Variants in DGKD observed in about 807,000 individuals in gnomAD.
The protein encoded by DGKD is DAG kinase delta.
A neutral mutation model predicts 154.4 loss-of-function variants in DGKD; 68 were observed. That is an observed-to-expected ratio of 0.44 (90% CI 0.36 to 0.54). The LOEUF is 0.54. Ranked by LOEUF, DGKD falls within the 20% of genes least tolerant of loss-of-function variation. DGKD has a pLI of 0.00. For missense variants in DGKD, 1,343 were observed against 1,593.6 expected, an observed-to-expected ratio of 0.84 and a Z score of 2.68; for synonymous variants, 693 against 638.0, an observed-to-expected ratio of 1.09 and a Z score of -1.30.
At chr2:233,393,864 T>G (rs1703812820) in intron 3 of DGKD, among the ~76,000 whole-genome samples, 1 of 151,890 alleles carries the variant, frequency 6.6e-6, no homozygotes, top group Admixed American at 6.6e-5. Flanking sequence ...TTATTTTTAG[T>G]GGAGACAGGG....
chr2:233,379,580 A>G (rs1702777988), intron 1 of DGKD, among the ~76,000 whole-genome samples: 1 of 152,130 alleles, frequency 6.6e-6, no homozygotes, highest in African/African-American at 2.4e-5. Flanking sequence ...GGGTGGGGCC[A>G]GTGGTCACTG....
At chr2:233,447,624 A>AGCAGGGATCCC in intron 12 of DGKD, 3 of 994,256 alleles carry the variant, frequency 3.0e-6, no homozygotes, top group Non-Finnish European at 3.6e-6. Flanking sequence ...TCCTAAGGAC[A>AGCAGGGATCCC]GCAGGGATCC....
At chr2:233,383,333 G>A (rs1458021089) in intron 1 of DGKD, among the ~76,000 whole-genome samples, 6 of 152,132 alleles carry the variant, frequency 3.9e-5, no homozygotes, top group South Asian at 2.1e-4. Flanking sequence ...GAGCCACCGC[G>A]CCCAGCCCGT....
intron 1 of DGKD, among the ~76,000 whole-genome samples, chr2:233,355,108 C>G (rs983370529): frequency 3.3e-5 from 5 of 152,068 alleles, no homozygotes; most frequent in Admixed American, 1.3e-4. Flanking sequence ...CAGGAGCGGT[C>G]GGGTGGTGTC....
intron 1 of DGKD, among the ~76,000 whole-genome samples, chr2:233,363,194 C>T (rs911437979): frequency 6.6e-6 from 1 of 152,134 alleles, no homozygotes; most frequent in Admixed American, 6.5e-5. Flanking sequence ...CAGCTCCATG[C>T]ACGTCATTGT....
Position 233,459,748 on chromosome 2 carries a change from T to C in DGKD, c.2695-9T>C. On this transcript the variant is annotated splice_polypyrimidine_tract_variant and intron_variant, in intron 22 of 29. Transcript: ENST00000264057. The surrounding 1 kb of genome is among the most constrained non-coding windows in gnomAD (Gnocchi z 5.7). ...CTCAGCATGAGTAATGGCTATGATG[T>C]CTGCTCAGTGTCGCACGGTGAAGAT... 1 of 1,612,930 alleles carries C rather than the reference T, an allele frequency of 6.2e-7. No individual in the cohort carries two copies. The highest frequency in any genetic ancestry group is 8.5e-7 in the Non-Finnish European group (1 of 1,179,508).
In DGKD at chr2:233,452,018, T is replaced by G; in HGVS notation, c.2222T>G (p.Leu741Arg). The change falls in exon 18 of 30, where the codon CTG (leucine) becomes CGG (arginine). Residue 741 changes from leucine to arginine, a missense_variant. Leu to Arg is a moderately radical substitution (Grantham distance 102, BLOSUM62 -2). Around this residue, in one of 6 missense-constraint regions of DGKD, gnomAD observed 409 missense variants for 446.0 expected, o/e 0.92. Coordinates refer to ENST00000264057, the MANE Select transcript of DGKD (RefSeq NM_152879.3). This position sits in a 1 kb window ranked among gnomAD's most constrained non-coding sequence, Gnocchi z 4.0. ...SLPGGSVISR[L>R]LINADPFNSE... is the part of the protein sequence containing the mutation. ...CCCGGTGGCTCAGTCATCAGTCGCC[T>G]GTTAATTAATGCTGATCCCTTCAAC... The G allele has an allele frequency of 6.2e-7, 1 of 1,614,136 alleles. No homozygotes were observed. Among genetic ancestry groups the G allele is most frequent in the African/African-American group, 1.3e-5 (1 of 75,042 alleles).
In DGKD at chr2:233,453,346, T is replaced by C. The variant is rs111377189; in HGVS notation, c.2264+1286T>C. Among the ~76,000 whole-genome samples the C allele has an allele frequency of 6.7e-3, 1,021 of 152,296 alleles. 15 individuals carry two copies. The highest frequency in any genetic ancestry group is 0.024 in the African/African-American group (977 of 41,570). On this transcript the variant is annotated intron_variant, in intron 18 of 29. Coordinates refer to ENST00000264057, the MANE Select transcript of DGKD (RefSeq NM_152879.3). ...CTGCTCCAGGCCCCTGAGCCCAGTC[T>C]CTGCTGCCTTCCCTCATCTCTTTGT...
chr2:233,469,975 ATCGTGCTCT>A lies in DGKD; in HGVS notation c.*517_*525del, dbSNP rs2063958480. On this transcript the variant is annotated 3_prime_UTR_variant, in exon 30 of 30. Transcript: ENST00000264057. ...TTGATGCAGCTTTTGTTGAACAAAA[ATCGTGCTCT>A]TTCCTGGTTTGAAAGTAGCATGGAT... is the stretch of plus-strand genomic sequence containing the variant. 1.3e-5 allele frequency: 2 copies of A among 152,928 alleles called. No individual in the cohort carries two copies. Among genetic ancestry groups the A allele is most frequent in the African/African-American group, 4.8e-5 (2 of 41,484 alleles). The allele number at this position is 152,928 out of a possible 1,614,324, so 9.5% of individuals were successfully genotyped here.
In DGKD at chr2:233,457,629, G is replaced by A. The variant is rs2063502542; in HGVS notation, c.2580+301G>A. On this transcript the variant is annotated intron_variant, in intron 21 of 29. Transcript: ENST00000264057. The surrounding 1 kb of genome is among the most constrained non-coding windows in gnomAD (Gnocchi z 5.5). ...TGGGAGGCCAAGACCTGAAGGATGA[G>A]TTGGAGTTGGCTAAGTTAGGTGGGC... is the stretch of plus-strand genomic sequence containing the variant. 1.9e-6 allele frequency: 1 copy of A among 527,014 alleles called. No individual in the cohort carries two copies. Among genetic ancestry groups the A allele is most frequent in the African/African-American group, 1.9e-5 (1 of 52,748 alleles). The allele number at this position is 527,014 out of a possible 1,614,324, so 32.6% of individuals were successfully genotyped here. A position where few individuals can be genotyped will look rare whatever the true frequency, so the allele number is the denominator to read the frequency against.
intron 27 of DGKD, 56 bp downstream of exon 27, chr2:233,464,339 A>C (rs2242098): frequency 0.32 from 505,212 of 1,598,190 alleles, 86,060 homozygotes; most frequent in African/African-American, 0.67. Flanking sequence ...CTCTCGCCTG[A>C]AGTGCCTGTG....
chr2:233,390,534 C>T (rs768757164), intron 3 of DGKD, 51 bp downstream of exon 3: 27 of 1,378,192 alleles, frequency 2.0e-5, no homozygotes, highest in Non-Finnish European at 2.8e-5. Flanking sequence ...AGTTGGCTTT[C>T]CTTTTTGATC....
rs1369708769 is a variant in DGKD, at chr2:233,440,890, G to A, written c.1086-997G>A. On this transcript the variant is annotated intron_variant, in intron 9 of 29. Coordinates refer to ENST00000264057, the MANE Select transcript of DGKD (RefSeq NM_152879.3). The surrounding 1 kb of genome is among the most constrained non-coding windows in gnomAD (Gnocchi z 4.9). ...AGCACGGTGGTGACCTGAGCGGGTG[G>A]CTGGGTTGGGTGTGGAGGAGAGGCT... Among the ~76,000 whole-genome samples the A allele has an allele frequency of 1.3e-5, 2 of 152,170 alleles. No homozygotes were observed. The highest frequency in any genetic ancestry group is 1.5e-5 in the Non-Finnish European group (1 of 68,030).
chr2:233,438,808 ATCTATCTG>A lies in DGKD; in HGVS notation c.1085+431_1085+438del, dbSNP rs1268602077. On this transcript the variant is annotated intron_variant, in intron 9 of 29. Coordinates refer to ENST00000264057, the MANE Select transcript of DGKD (RefSeq NM_152879.3). This position sits in a 1 kb window ranked among gnomAD's most constrained non-coding sequence, Gnocchi z 4.1. ...TATCTATCTATCTATCTATCTATCTATCTATCTGTGGGTGTATTTTCCTGGCGTGCCTC... is the reference window on the plus strand; with the variant it reads ...TATCTATCTATCTATCTATCTATCTATGGGTGTATTTTCCTGGCGTGCCTC... Among the ~76,000 whole-genome samples, 1 of 130,530 alleles carries A rather than the reference ATCTATCTG, an allele frequency of 7.7e-6. No individual in the cohort carries two copies. Among genetic ancestry groups the A allele is most frequent in the Non-Finnish European group, 1.7e-5 (1 of 60,496 alleles). 85.6% of individuals were successfully genotyped at this position (130,530 alleles called of 152,430 possible).
At chr2:233,461,196 C>A (rs1354825173) in intron 24 of DGKD, among the ~76,000 whole-genome samples, 1 of 152,258 alleles carries the variant, frequency 6.6e-6, no homozygotes, top group East Asian at 1.9e-4. Context: ...AGCTGTGCTG[C>A]TCCGCCGGTG....
At position 233,438,641 on chromosome 2, in the gene DGKD, A is replaced by G. The variant is rs1436576710; in HGVS notation, c.1085+262A>G. On this transcript the variant is annotated intron_variant, in intron 9 of 29. Transcript: ENST00000264057. The surrounding 1 kb of genome is among the most constrained non-coding windows in gnomAD (Gnocchi z 4.1). The stretch of plus-strand genomic sequence containing the variant: ...CCATGCACGTGCATCTTTTGAGCCA[A>G]TCAGGATTCTTCTTTACCTGCCGTT... 6.6e-6 allele frequency among the ~76,000 whole-genome samples: 1 copy of G among 152,172 alleles called. No individual in the cohort carries two copies. Among genetic ancestry groups the G allele is most frequent in the Admixed American group, 6.5e-5 (1 of 15,274 alleles).
chr2:233,442,755 G>A (rs1167718235), intron 10 of DGKD, among the ~76,000 whole-genome samples: 1 of 152,082 alleles, frequency 6.6e-6, no homozygotes, highest in Non-Finnish European at 1.5e-5. Context: ...ACAGGCGCAC[G>A]CTACCACGCC....
At chr2:233,417,067 C>T (rs926037856) in intron 3 of DGKD, among the ~76,000 whole-genome samples, 4 of 152,186 alleles carry the variant, frequency 2.6e-5, no homozygotes, top group Non-Finnish European at 2.9e-5. Context: ...CAGTCTTGCT[C>T]TGTCATCCAG....
Position 233,454,766 on chromosome 2 carries a change from G to A in DGKD, c.2268G>A (p.Glu756=). 6 of 1,597,766 alleles carry A rather than the reference G, an allele frequency of 3.8e-6. No individual in the cohort carries two copies. Among genetic ancestry groups the A allele is most frequent in the Non-Finnish European group, 5.1e-6 (6 of 1,165,094 alleles). ...GATTTAAAACTCACCTTTGCAGAGA[G>A]TATTACACGGAGAAATGTGTCATGA... ...DPFNSEPETL[E]YYTEKCVMNN... is the part of the protein sequence containing the mutation. The change falls in exon 19 of 30, where the codon GAG becomes GAA. Residue 756 remains glutamate (E), a synonymous_variant. Coordinates refer to ENST00000264057, the MANE Select transcript of DGKD (RefSeq NM_152879.3).
Sources: gnomAD v4.1 joint callset for allele counts (sites outside exome capture counted in the v4.1 genomes callset) on GRCh38, gnomAD v4.1.1 for gene constraint, gnomAD v4.1.1 regional missense constraint, Gnocchi (gnomAD v3.1) non-coding constraint, MANE v1.5 for transcripts, NCBI Gene and HGNC (gene_info 2026-07-23, HGNC 2026-07-21) for gene names.